PCDHGB2: variants seen among roughly 807,000 people sequenced by gnomAD.
The protein encoded by PCDHGB2 is protocadherin gamma subfamily B, 2.
In PCDHGB2, 55 loss-of-function variants were observed where a neutral mutation model predicts 59.3. The ratio of observed to expected loss-of-function variants is 0.93; its 90% CI spans 0.75 to 1.16. PCDHGB2 has a LOEUF of 1.16. Ranked by LOEUF, PCDHGB2 falls within the 50% of genes most tolerant of loss-of-function variation. The pLI is 0.00. For synonymous variants in PCDHGB2, 516 were observed against 512.0 expected (o/e 1.01, Z -0.11); for missense variants, 1,228 against 1,198.5 (o/e 1.02, Z -0.36).
In PCDHGB2 at chr5:141,380,718, C is replaced by T. The variant is rs1776684550; in HGVS notation, c.2421+18162C>T. Among the ~76,000 whole-genome samples the T allele has an allele frequency of 2.6e-5, 4 of 152,158 alleles. No homozygotes were observed. In the South Asian group the frequency reaches 8.3e-4, roughly 32 times the overall value. On this transcript the variant is annotated intron_variant, in intron 1 of 3. Transcript: ENST00000522605. ...GTAGTCTATAATTTAATTTAACTAG[C>T]TCTTATTTCCTTTTCTCCAAAGAAG...
intron 1 of PCDHGB2, chr5:141,428,210 A>T: frequency 7.7e-7 from 1 of 1,293,350 alleles, no homozygotes; most frequent in Non-Finnish European, 1.1e-6. Flanking sequence ...GCTACGCTTC[A>T]CCTAGTCTTC....
rs747283905 is a variant in PCDHGB2, at chr5:141,491,693, G to A, written c.2422-3114G>A. On this transcript the variant is annotated intron_variant, in intron 1 of 3. Transcript: ENST00000522605. The surrounding 1 kb of genome is among the most constrained non-coding windows in gnomAD (Gnocchi z 6.9). ...TCCCGCTCTAATACGCTGCGGGAGC[G>A]GAGCCAGGTGAGGGGCTCGGCGCCG... 3.7e-5 allele frequency: 59 copies of A among 1,612,434 alleles called. No homozygotes were observed. Among genetic ancestry groups the A allele is most frequent in the Non-Finnish European group, 4.7e-5 (55 of 1,179,352 alleles).
intron 1 of PCDHGB2, chr5:141,423,126 G>T (rs1397550571): frequency 6.2e-7 from 1 of 1,613,622 alleles, no homozygotes; most frequent in Non-Finnish European, 8.5e-7. Context: ...CGCGGGCACT[G>T]CTGGACAGAG....
intron 1 of PCDHGB2, chr5:141,409,546 C>A (rs775680397): frequency 6.2e-7 from 1 of 1,613,880 alleles, no homozygotes; most frequent in African/African-American, 1.3e-5. Flanking sequence ...TCAACGACAA[C>A]GCCCCAGTTT....
At chr5:141,399,318 G>A (rs772027563) in intron 1 of PCDHGB2, 19 of 1,613,830 alleles carry the variant, frequency 1.2e-5, no homozygotes, top group East Asian at 4.5e-5. Context: ...CCAAAAATTC[G>A]TATAAGTTGG....
In PCDHGB2 at chr5:141,491,406, C is replaced by G. The variant is rs773729429; in HGVS notation, c.2422-3401C>G. On this transcript the variant is annotated intron_variant, in intron 1 of 3. Transcript: ENST00000522605. This position sits in a 1 kb window ranked among gnomAD's most constrained non-coding sequence, Gnocchi z 6.9. ...CGAAGTGCCTTCAGGGAAACGCAGA[C>G]GGGGACGGGGGTGGAGGGCAGTGCT... 9 of 1,613,978 alleles carry G rather than the reference C, an allele frequency of 5.6e-6. No homozygotes were observed.
intron 1 of PCDHGB2, chr5:141,414,585 C>CA: frequency 6.2e-7 from 1 of 1,613,968 alleles, no homozygotes; most frequent in East Asian, 2.2e-5. Flanking sequence ...AGAACAACGC[C>CA]AGGGGTGCCT....
chr5:141,505,779 T>G (rs1420143439), intron 3 of PCDHGB2, among the ~76,000 whole-genome samples: 1 of 139,496 alleles, frequency 7.2e-6, no homozygotes, highest in Non-Finnish European at 1.6e-5. Flanking sequence ...GTCCTAGCTC[T>G]GCTACTATCC....
chr5:141,392,794 G>A (rs1002894691), intron 1 of PCDHGB2: 2 of 1,563,344 alleles, frequency 1.3e-6, no homozygotes, highest in African/African-American at 1.4e-5. Flanking sequence ...ATTCTGAGAG[G>A]ATTCTGCAGC....
chr5:141,430,090 G>T (rs2097260736), intron 1 of PCDHGB2, among the ~76,000 whole-genome samples: 1 of 152,096 alleles, frequency 6.6e-6, no homozygotes, highest in Non-Finnish European at 1.5e-5. Context: ...ATGAAAATTT[G>T]ATTTTTAAGC....
Position 141,423,504 on chromosome 5 carries a change from T to G in PCDHGB2, c.2421+60948T>G, listed in dbSNP as rs1448233226. ...TGCAAACCTATTCCCACGAGGTCTCTCTCATTGCGGACTCGCAGAAGAGTC... is the reference window on the plus strand; with the variant it reads ...TGCAAACCTATTCCCACGAGGTCTCGCTCATTGCGGACTCGCAGAAGAGTC... On this transcript the variant is annotated intron_variant, in intron 1 of 3. Transcript: ENST00000522605. The G allele has an allele frequency of 3.1e-6, 5 of 1,613,770 alleles. No individual in the cohort carries two copies. The Admixed American group carries it at 8.3e-5, about 27-fold the overall frequency.
chr5:141,444,341 T>C (rs909401337), intron 1 of PCDHGB2, among the ~76,000 whole-genome samples: 2 of 151,892 alleles, frequency 1.3e-5, no homozygotes, highest in African/African-American at 4.8e-5. Context: ...CCAGCTAATT[T>C]TGTATTTTTA....
intron 1 of PCDHGB2, chr5:141,426,887 G>C (rs1309180455): frequency 6.6e-6 from 3 of 456,646 alleles, no homozygotes; most frequent in South Asian, 4.6e-5. Context: ...TGGGCCAGGA[G>C]CAACAGAGCT....
chr5:141,419,507 G>A (rs909984738), intron 1 of PCDHGB2: 2 of 1,612,198 alleles, frequency 1.2e-6, no homozygotes, highest in Non-Finnish European at 1.7e-6. Context: ...GAGCCTGCGC[G>A]TGTTGGTGGG....
At chr5:141,395,277 A>G (rs758440707) in intron 1 of PCDHGB2, 2 of 1,542,838 alleles carry the variant, frequency 1.3e-6, no homozygotes, top group East Asian at 2.3e-5. Flanking sequence ...TTCCAGATGA[A>G]TTTTATTTGG....
chr5:141,360,432 G>A lies in PCDHGB2; in HGVS notation c.297G>A (p.Gln99=), dbSNP rs753356248. The part of the protein sequence containing the change: ...RIDREQICGK[Q]PLCVLDFDTV... Reference sequence around the variant, plus strand: ...ACCGAGAACAGATATGCGGGAAGCAGCCTCTGTGTGTTCTGGATTTCGATA... The same window carrying A: ...ACCGAGAACAGATATGCGGGAAGCAACCTCTGTGTGTTCTGGATTTCGATA... The change falls in exon 1 of 4, where the codon CAG becomes CAA. Residue 99 remains glutamine, a synonymous_variant. Coordinates refer to ENST00000522605, the MANE Select transcript of PCDHGB2 (RefSeq NM_018923.3). 45 of 1,613,876 alleles carry A rather than the reference G, an allele frequency of 2.8e-5. No homozygotes were observed. In the Admixed American group the frequency reaches 6.8e-4, roughly 25 times the overall value.
chr5:141,361,827 C>A lies in PCDHGB2; in HGVS notation c.1692C>A (p.Tyr564Ter). Residue 564 changes from tyrosine to a stop codon, truncating the protein, a stop_gained, in exon 1 of 4, where the codon TAC becomes TAA. Coordinates refer to ENST00000522605, the MANE Select transcript of PCDHGB2 (RefSeq NM_018923.3). LOFTEE classifies it high-confidence loss of function. ...ATGACAATGCGCCACGGGTGCTGTA[C>A]CCCGCGCTGGGGCCTGATGGCTCCG... ...DLNDNAPRVL[Y>*]PALGPDGSAL... The A allele has an allele frequency of 6.2e-7, 1 of 1,612,982 alleles. No homozygotes were observed.
intron 1 of PCDHGB2, chr5:141,415,794 A>G: frequency 1.5e-6 from 2 of 1,366,408 alleles, no homozygotes; most frequent in Non-Finnish European, 1.9e-6. Context: ...AAATTCACCT[A>G]GTCTCAATCA....
In PCDHGB2 at chr5:141,361,109, G is replaced by C; in HGVS notation, c.974G>C (p.Gly325Ala). 1.2e-6 allele frequency: 2 copies of C among 1,613,990 alleles called. No homozygotes were observed. Among genetic ancestry groups the C allele is most frequent in the Non-Finnish European group, 1.7e-6 (2 of 1,179,894 alleles). The change falls in exon 1 of 4, where the codon GGA (glycine) becomes GCA (alanine). Residue 325 changes from glycine (G) to alanine (A), a missense_variant. Physicochemically the swap from Gly to Ala is moderately conservative, Grantham distance 60. Coordinates refer to ENST00000522605, the MANE Select transcript of PCDHGB2 (RefSeq NM_018923.3). The part of the protein sequence containing the change: ...YTLSIEAKDP[G>A]DLAAHCSIQV... ...CTGAGTATCGAAGCAAAAGATCCTG[G>C]AGATCTAGCAGCCCACTGCAGTATC...
Sources: gnomAD v4.1 joint callset for allele counts (sites outside exome capture counted in the v4.1 genomes callset) on GRCh38, gnomAD v4.1.1 for gene constraint, Gnocchi (gnomAD v3.1) non-coding constraint, MANE v1.5 for transcripts, NCBI Gene and HGNC (gene_info 2026-07-23, HGNC 2026-07-21) for gene names.